C1QTNF1: variants seen among roughly 807,000 people sequenced by gnomAD.
C1QTNF1 encodes the protein complement C1q tumor necrosis factor-related protein 1.
A neutral mutation model predicts 27.8 loss-of-function variants in C1QTNF1; 22 were observed. That is an observed-to-expected ratio of 0.79 (90% CI 0.56 to 1.13). The LOEUF is 1.13. Ranked by LOEUF, C1QTNF1 falls within the 50% of genes most tolerant of loss-of-function variation. C1QTNF1 has a pLI of 0.00. For synonymous variants in C1QTNF1, 166 were observed against 154.3 expected (o/e 1.08, Z -0.56); for missense variants, 373 against 380.2 (o/e 0.98, Z 0.16).
In C1QTNF1 at chr17:79,025,401, C is replaced by T. The variant is rs142913100; in HGVS notation, c.-15+907C>T. ...TGCTTGGGAGGGAGGGAGGAAGCCG[C>T]CCCCCTCTGTGAGGTGTTCCTGACT... is the stretch of plus-strand genomic sequence containing the variant. On this transcript the variant is annotated intron_variant, in intron 1 of 3. Coordinates refer to ENST00000579760, the MANE Select transcript of C1QTNF1 (RefSeq NM_030968.5). 2.7e-3 allele frequency among the ~76,000 whole-genome samples: 414 copies of T among 152,230 alleles called. 2 individuals are homozygous for T. The highest frequency in any genetic ancestry group is 9.6e-3 in the African/African-American group (397 of 41,534).
chr17:79,041,872 G>GT (rs1200993092), intron 1 of C1QTNF1: 7 of 152,210 alleles, frequency 4.6e-5, no homozygotes, highest in Admixed American at 1.3e-4. Flanking sequence ...CCCAAGATGA[G>GT]TAAGACGTCG....
chr17:79,045,567 A>G (rs1167734659), intron 2 of C1QTNF1, among the ~76,000 whole-genome samples: 2 of 151,886 alleles, frequency 1.3e-5, no homozygotes, highest in Non-Finnish European at 2.9e-5. Flanking sequence ...TTTGGCTGGG[A>G]GCCCAGGACT....
Position 79,047,790 on chromosome 17 carries a change from G to A in C1QTNF1, c.548G>A (p.Gly183Asp), listed in dbSNP as rs1160117508. ...TACGACCACTTCAACATGTTCACCG[G>A]CAAGTTCTACTGCTACGTGCCCGGC... ...NLYDHFNMFT[G>D]KFYCYVPGLY... Residue 183 changes from glycine (G) to aspartate (D), a missense_variant, in exon 4 of 4, where the codon GGC becomes GAC. Coordinates refer to ENST00000579760, the MANE Select transcript of C1QTNF1 (RefSeq NM_030968.5). 3 of 1,614,082 alleles carry A rather than the reference G, an allele frequency of 1.9e-6. No homozygotes were observed. Among genetic ancestry groups the A allele is most frequent in the Admixed American group, 1.7e-5 (1 of 60,002 alleles).
At chr17:79,032,222 C>T (rs1008782564) in intron 1 of C1QTNF1, among the ~76,000 whole-genome samples, 15 of 152,226 alleles carry the variant, frequency 9.9e-5, no homozygotes, top group Middle Eastern at 3.4e-3. Flanking sequence ...GGCAACTTCC[C>T]GGAGGAGGTG....
rs1192294112 is a variant in C1QTNF1 at position 79,047,751 on chromosome 17, A to G, written c.509A>G (p.Glu170Gly). 2 of 1,614,016 alleles carry G rather than the reference A, an allele frequency of 1.2e-6. No individual in the cohort carries two copies. The highest frequency in any genetic ancestry group is 1.3e-5 in the African/African-American group (1 of 74,906). ...TACCAGACGGTGATCTTCGACACGGAGTTCGTGAACCTCTACGACCACTTC... is the reference window on the plus strand; with the variant it reads ...TACCAGACGGTGATCTTCGACACGGGGTTCGTGAACCTCTACGACCACTTC... ...HYYQTVIFDT[E>G]FVNLYDHFNM... Residue 170 changes from glutamate (E) to glycine (G), a missense_variant, in exon 4 of 4, where the codon GAG (glutamate) becomes GGG (glycine). Glu to Gly is a moderately conservative substitution (Grantham distance 98). Coordinates refer to ENST00000579760, the MANE Select transcript of C1QTNF1 (RefSeq NM_030968.5).
At chr17:79,033,192 G>C (rs1234665972) in intron 1 of C1QTNF1, among the ~76,000 whole-genome samples, 1 of 152,150 alleles carries the variant, frequency 6.6e-6, no homozygotes, top group African/African-American at 2.4e-5. Context: ...AAGGTGCTAA[G>C]AGCTGTGCTG....
rs1555670032 is a variant in C1QTNF1, at chr17:79,030,517, C to CTTTCTTTCTTTCT, written c.-15+6025_-15+6037dup. On this transcript the variant is annotated intron_variant, in intron 1 of 3. Coordinates refer to ENST00000579760, the MANE Select transcript of C1QTNF1 (RefSeq NM_030968.5). ...TCTTTCTTTCTTTCTTTCTTTCTTT[C>CTTTCTTTCTTTCT]TTTCTTTCTTTCTTCTTTCTTTCTT... is the stretch of plus-strand genomic sequence containing the variant. 3.1e-4 allele frequency among the ~76,000 whole-genome samples: 32 copies of CTTTCTTTCTTTCT among 104,858 alleles called. 1 individual carries two copies. Among genetic ancestry groups the CTTTCTTTCTTTCT allele is most frequent in the Non-Finnish European group, 4.5e-4 (23 of 50,984 alleles). 68.8% of individuals were successfully genotyped at this position (104,858 alleles called of 152,430 possible).
At chr17:79,038,085 G>GATCAAGCAA in intron 1 of C1QTNF1, among the ~76,000 whole-genome samples, 1 of 151,880 alleles carries the variant, frequency 6.6e-6, no homozygotes, top group Admixed American at 6.6e-5. Context: ...TGCCTCCTGA[G>GATCAAGCAA]TTCAAGCAAT....
chr17:79,029,414 C>T (rs999791204), intron 1 of C1QTNF1, among the ~76,000 whole-genome samples: 4 of 152,148 alleles, frequency 2.6e-5, no homozygotes, highest in African/African-American at 7.2e-5. Context: ...AGGCTGTTTG[C>T]GCATTCTAAG....
intron 1 of C1QTNF1, chr17:79,034,109 A>G (rs1310560762): frequency 6.6e-6 from 1 of 152,056 alleles, no homozygotes; most frequent in African/African-American, 2.4e-5. Context: ...ACAACCAAAT[A>G]CGTTTGTGCT....
chr17:79,025,891 TCATCATCATCAC>T (rs1368365377), intron 1 of C1QTNF1: 2 of 429,308 alleles, frequency 4.7e-6, no homozygotes, highest in East Asian at 7.0e-5. Context: ...ATCACCATCA[TCATCATCATCAC>T]CATCATCATC....
intron 3 of C1QTNF1, chr17:79,047,174 G>A (rs924177078): frequency 7.4e-6 from 2 of 268,926 alleles, no homozygotes; most frequent in Non-Finnish European, 1.4e-5. Flanking sequence ...CGAGCCGTCG[G>A]TCTGGCCGCA....
chr17:79,040,684 G>A (rs1015530474), intron 1 of C1QTNF1, among the ~76,000 whole-genome samples: 1 of 148,584 alleles, frequency 6.7e-6, no homozygotes, highest in Admixed American at 6.7e-5. Context: ...ACTTGAGCCC[G>A]GGAGTTTGAG....
At chr17:79,040,453 G>C (rs1309431652) in intron 1 of C1QTNF1, among the ~76,000 whole-genome samples, 1 of 152,026 alleles carries the variant, frequency 6.6e-6, no homozygotes, top group Non-Finnish European at 1.5e-5. Context: ...CTAAGACCGA[G>C]GATGGAGAAT....
chr17:79,036,307 T>C (rs1435975583), intron 1 of C1QTNF1, among the ~76,000 whole-genome samples: 3 of 152,282 alleles, frequency 2.0e-5, no homozygotes, highest in Non-Finnish European at 4.4e-5. Flanking sequence ...CCAGAGTAGC[T>C]GGGACTACAG....
intron 1 of C1QTNF1, among the ~76,000 whole-genome samples, chr17:79,043,009 ATG>A (rs1208934149): frequency 6.6e-6 from 1 of 150,886 alleles, no homozygotes; most frequent in Non-Finnish European, 1.5e-5. Context: ...ATGTATGCGA[ATG>A]TGCATGTGTG....
intron 1 of C1QTNF1, chr17:79,025,888 T>C (rs1394577467): frequency 3.3e-5 from 13 of 393,952 alleles, no homozygotes; most frequent in South Asian, 7.6e-5. Flanking sequence ...ATCATCACCA[T>C]CATCATCATC....
chr17:79,025,882 TCAC>T, intron 1 of C1QTNF1: 1 of 430,530 alleles, frequency 2.3e-6, no homozygotes, highest in South Asian at 1.7e-5. Context: ...GCAATCATCA[TCAC>T]CATCATCATC....
chr17:79,036,760 A>G (rs1451382698), intron 1 of C1QTNF1, among the ~76,000 whole-genome samples: 1 of 152,102 alleles, frequency 6.6e-6, no homozygotes, highest in Non-Finnish European at 1.5e-5. Flanking sequence ...CTTCCTCCCA[A>G]GCTCTTGCAC....
Sources: gnomAD v4.1 joint callset for allele counts (sites outside exome capture counted in the v4.1 genomes callset) on GRCh38, gnomAD v4.1.1 for gene constraint, MANE v1.5 for transcripts, NCBI Gene and HGNC (gene_info 2026-07-23, HGNC 2026-07-21) for gene names.